GALNT17: variants seen among roughly 807,000 people sequenced by gnomAD.
The protein encoded by GALNT17 is polypeptide N-acetylgalactosaminyltransferase 17, also known as UDP-GalNAc:polypeptide N-acetylgalactosaminyltransferase-like 3.
Under a neutral mutation model 63.7 loss-of-function variants are expected in GALNT17, and 29 were observed. That is an observed-to-expected ratio of 0.46 (90% CI 0.34 to 0.62). GALNT17 has a LOEUF of 0.62. GALNT17 is among the 20% of genes least tolerant of loss of function. The pLI is 0.01. For missense variants in GALNT17, 603 were observed against 799.6 expected (o/e 0.75, Z 2.97); for synonymous variants, 305 against 318.3 (o/e 0.96, Z 0.45).
intron 1 of GALNT17, among the ~76,000 whole-genome samples, chr7:71,196,075 C>T (rs957748308): frequency 6.6e-6 from 1 of 152,134 alleles, no homozygotes; most frequent in East Asian, 1.9e-4. Flanking sequence ...ACGCAGTCTC[C>T]TCCAGACCTC....
intron 5 of GALNT17, among the ~76,000 whole-genome samples, chr7:71,492,978 C>G (rs547794412): frequency 3.3e-5 from 5 of 152,148 alleles, no homozygotes; most frequent in Non-Finnish European, 7.3e-5. Context: ...TAGATTTCTA[C>G]TTGTATTCAA....
At chr7:71,168,792 C>A (rs921672338) in intron 1 of GALNT17, among the ~76,000 whole-genome samples, 1 of 151,676 alleles carries the variant, frequency 6.6e-6, no homozygotes, top group African/African-American at 2.4e-5. Flanking sequence ...GTATTAATAA[C>A]TTTTTTAAAA....
chr7:71,492,387 C>G (rs1037763136), intron 5 of GALNT17, among the ~76,000 whole-genome samples: 9 of 152,314 alleles, frequency 5.9e-5, no homozygotes, highest in Admixed American at 1.3e-4. Flanking sequence ...TTTAGGTTCT[C>G]TCTTCACCCC....
At chr7:71,694,801 G>A (rs925260470) in intron 9 of GALNT17, among the ~76,000 whole-genome samples, 2 of 152,126 alleles carry the variant, frequency 1.3e-5, no homozygotes, top group African/African-American at 2.4e-5. Flanking sequence ...TCTTAAGCAG[G>A]CCCCAGAGTC....
chr7:71,384,633 A>T (rs1045845867), intron 2 of GALNT17, among the ~76,000 whole-genome samples: 1 of 152,178 alleles, frequency 6.6e-6, no homozygotes, highest in East Asian at 1.9e-4. Flanking sequence ...CTGCATGTTT[A>T]TGGAGCACTT....
chr7:71,446,367 C>T (rs1787160534), intron 5 of GALNT17, among the ~76,000 whole-genome samples: 1 of 151,756 alleles, frequency 6.6e-6, no homozygotes. Flanking sequence ...ATCATAACAC[C>T]CAACGATAAC....
chr7:71,278,293 G>A (rs1310523489), intron 1 of GALNT17, among the ~76,000 whole-genome samples: 1 of 152,172 alleles, frequency 6.6e-6, no homozygotes, highest in East Asian at 1.9e-4. Flanking sequence ...TGCCAGGACT[G>A]CTGTACTGGA....
intron 5 of GALNT17, among the ~76,000 whole-genome samples, chr7:71,519,995 A>G (rs1417454840): frequency 6.6e-6 from 1 of 152,206 alleles, no homozygotes; most frequent in Non-Finnish European, 1.5e-5. Flanking sequence ...CAGAAAAACC[A>G]TTATACTGAT....
At chr7:71,427,048 A>G (rs1786772395) in intron 5 of GALNT17, among the ~76,000 whole-genome samples, 1 of 151,830 alleles carries the variant, frequency 6.6e-6, no homozygotes, top group South Asian at 2.1e-4. Context: ...TATTGAATGC[A>G]TATTGAGGAC....
At chr7:71,195,016 G>A (rs1378786169) in intron 1 of GALNT17, among the ~76,000 whole-genome samples, 1 of 152,208 alleles carries the variant, frequency 6.6e-6, no homozygotes, top group Non-Finnish European at 1.5e-5. Context: ...TTGGCCAGGG[G>A]TTGATGGCAT....
chr7:71,295,305 A>G (rs1791057786), intron 1 of GALNT17, among the ~76,000 whole-genome samples: 1 of 152,082 alleles, frequency 6.6e-6, no homozygotes, highest in Non-Finnish European at 1.5e-5. Context: ...GTACTTCACT[A>G]GGCAGCTATC....
intron 6 of GALNT17, among the ~76,000 whole-genome samples, chr7:71,663,678 T>G (rs749591330): frequency 4.6e-5 from 7 of 152,240 alleles, no homozygotes; most frequent in Non-Finnish European, 7.3e-5. Context: ...ATCGTTTCCC[T>G]GTGGTATAAC....
At chr7:71,335,306 A>AT (rs757447137) in intron 1 of GALNT17, among the ~76,000 whole-genome samples, 2 of 151,912 alleles carry the variant, frequency 1.3e-5, no homozygotes, top group African/African-American at 2.4e-5. Context: ...TAATTTTTGT[A>AT]TTTTTTGGTA....
At position 71,700,884 on chromosome 7, in the gene GALNT17, G is replaced by A. The variant is rs148802785; in HGVS notation, c.1501-9877G>A. 7.2e-4 allele frequency among the ~76,000 whole-genome samples: 110 copies of A among 152,180 alleles called. 2 individuals carry two copies. Among genetic ancestry groups the A allele is most frequent in the African/African-American group, 2.4e-3 (101 of 41,522 alleles). ...CCAGTGAGTAAGCTGTGAACACCTC[G>A]AAAGCAAGCACTGTGTCATTCATTC... On this transcript the variant is annotated intron_variant, in intron 9 of 10. Coordinates refer to ENST00000333538, the MANE Select transcript of GALNT17 (RefSeq NM_022479.3).
intron 1 of GALNT17, among the ~76,000 whole-genome samples, chr7:71,311,381 A>G (rs749303867): frequency 6.6e-6 from 1 of 152,292 alleles, no homozygotes; most frequent in South Asian, 2.1e-4. Flanking sequence ...TGGTGAGTCA[A>G]TCAATTGGGG....
At chr7:71,478,856 G>A (rs1416071576) in intron 5 of GALNT17, among the ~76,000 whole-genome samples, 2 of 152,148 alleles carry the variant, frequency 1.3e-5, no homozygotes, top group Admixed American at 6.6e-5. Flanking sequence ...TGTTAATGGC[G>A]GCATCTCATT....
At chr7:71,665,632 C>G in intron 7 of GALNT17, 36 bp downstream of exon 7, 1 of 1,587,916 alleles carries the variant, frequency 6.3e-7, no homozygotes. Context: ...CACCCCAGTA[C>G]AGTGATCCTT....
chr7:71,297,507 TAGCCCCAGCTACTTAGA>T (rs1458368223), intron 1 of GALNT17, among the ~76,000 whole-genome samples: 1 of 130,894 alleles, frequency 7.6e-6, no homozygotes, highest in African/African-American at 2.6e-5. Flanking sequence ...TGCATGCCTG[TAGCCCCAGCTACTTAGA>T]AGGCTGAAGG....
At chr7:71,669,545 T>C (rs1164288049) in intron 7 of GALNT17, among the ~76,000 whole-genome samples, 1 of 146,178 alleles carries the variant, frequency 6.8e-6, no homozygotes, top group African/African-American at 2.5e-5. Context: ...TGAATAAGCA[T>C]ACGAGGCTTA....
Sources: allele counts gnomAD v4.1 joint callset (sites outside exome capture counted in the v4.1 genomes callset), GRCh38; gene constraint gnomAD v4.1.1; transcripts MANE v1.5; gene names NCBI Gene and HGNC (gene_info 2026-07-23, HGNC 2026-07-21).